Variants in TBC1D15 observed in about 807,000 individuals in gnomAD.
TBC1D15 encodes the protein GAP for RAB7.
Under a neutral mutation model 95.4 loss-of-function variants are expected in TBC1D15, and 39 were observed. The ratio of observed to expected loss-of-function variants is 0.41; its 90% confidence interval spans 0.32 to 0.53. The LOEUF is 0.53. Among genes scored for constraint, TBC1D15 ranks in the 20% least tolerant of loss-of-function variants. The probability of loss-of-function intolerance (pLI) is 0.29; values close to 1 mark genes in which losing one functional copy is unlikely to be tolerated. For missense variants in TBC1D15, 733 were observed against 794.3 expected (o/e 0.92, Z 0.93); for synonymous variants, 258 against 261.3 (o/e 0.99, Z 0.12).
intron 5 of TBC1D15, among the ~76,000 whole-genome samples, 174 bp from the exon 6 acceptor site, chr12:71,893,047 GT>G (rs1401592899): frequency 6.7e-6 from 1 of 149,122 alleles, no homozygotes; most frequent in East Asian, 1.9e-4. Context: ...GTTTCATGTA[GT>G]TTTGAAGCTC....
In TBC1D15 at chr12:71,923,463, A is replaced by C; in HGVS notation, c.*259A>C. 1 of 367,136 alleles carries C rather than the reference A, an allele frequency of 2.7e-6. No homozygotes were observed. Among genetic ancestry groups the C allele is most frequent in the Non-Finnish European group, 4.9e-6 (1 of 202,272 alleles). 22.7% of individuals were successfully genotyped at this position (367,136 alleles called of 1,614,324 possible). A position where few individuals can be genotyped will look rare whatever the true frequency, so the allele number is the denominator to read the frequency against. On this transcript the variant is annotated 3_prime_UTR_variant, in exon 17 of 17. Coordinates refer to ENST00000485960, the MANE Select transcript of TBC1D15 (RefSeq NM_001146213.3). ...GTACATTTTATTTTCTTGCTGATGA[A>C]CTGGAATTGGATAAATATTGCAAGT...
Position 71,893,283 on chromosome 12 carries a change from T to C in TBC1D15, c.616T>C (p.Phe206Leu), listed in dbSNP as rs773879213. The change falls in exon 6 of 17, where the codon TTT becomes CTT. Residue 206 changes from phenylalanine (F) to leucine (L), a missense_variant. Physicochemically the swap from Phe to Leu is conservative, Grantham distance 22. Coordinates refer to ENST00000485960, the MANE Select transcript of TBC1D15 (RefSeq NM_001146213.3). The stretch of plus-strand genomic sequence containing the variant: ...TCAGAATAAGAGTCTTTCACAGTCT[T>C]TTGAAAATCTTCTTGATGAGCCAGC... Reference protein sequence around the residue: ...NCQNKSLSQSFENLLDEPAYG... With the variant: ...NCQNKSLSQSLENLLDEPAYG... The C allele has an allele frequency of 1.2e-6, 2 of 1,610,378 alleles. No homozygotes were observed. Among genetic ancestry groups the C allele is most frequent in the Non-Finnish European group, 1.7e-6 (2 of 1,178,060 alleles).
intron 12 of TBC1D15, among the ~76,000 whole-genome samples, chr12:71,915,819 A>C (rs1903581952): frequency 2.0e-5 from 3 of 152,074 alleles, no homozygotes; most frequent in Non-Finnish European, 4.4e-5. Flanking sequence ...TTCTTTCATA[A>C]TATTTGAATG....
At chr12:71,878,893 TC>T (rs1894549665) in intron 3 of TBC1D15, among the ~76,000 whole-genome samples, 1 of 151,982 alleles carries the variant, frequency 6.6e-6, no homozygotes, top group Non-Finnish European at 1.5e-5. Flanking sequence ...GAAAAAACAA[TC>T]TATTTGATAA....
intron 1 of TBC1D15, among the ~76,000 whole-genome samples, chr12:71,852,603 C>T (rs1260221106): frequency 1.3e-5 from 2 of 152,208 alleles, no homozygotes; most frequent in Admixed American, 6.5e-5. Context: ...TTGTTAGAAA[C>T]AGCCAGGCCA....
intron 10 of TBC1D15, among the ~76,000 whole-genome samples, chr12:71,906,744 A>T (rs1305651280): frequency 6.6e-6 from 1 of 152,112 alleles, no homozygotes; most frequent in African/African-American, 2.4e-5. Flanking sequence ...ATTCATTGAA[A>T]ATGTTTTCCA....
intron 2 of TBC1D15, 122 bp from the exon 3 acceptor site, chr12:71,872,807 G>A: frequency 1.6e-6 from 1 of 638,626 alleles, no homozygotes; most frequent in South Asian, 2.4e-5. Flanking sequence ...TACATATGAT[G>A]TTAGCATATT....
chr12:71,879,555 C>T (rs1185342343), intron 3 of TBC1D15, among the ~76,000 whole-genome samples: 1 of 152,176 alleles, frequency 6.6e-6, no homozygotes, highest in Non-Finnish European at 1.5e-5. Flanking sequence ...TAGTAATGAG[C>T]ACTGTCATCA....
chr12:71,879,101 T>C (rs1373159190), intron 3 of TBC1D15, among the ~76,000 whole-genome samples: 1 of 152,018 alleles, frequency 6.6e-6, no homozygotes, highest in Non-Finnish European at 1.5e-5. Context: ...CCTGCTTGAC[T>C]AGAGTCTTTT....
chr12:71,846,132 C>T (rs1196903765), intron 1 of TBC1D15, among the ~76,000 whole-genome samples: 1 of 152,114 alleles, frequency 6.6e-6, no homozygotes, highest in African/African-American at 2.4e-5. Context: ...AAAATTTATT[C>T]TAAAATGTTT....
chr12:71,911,121 C>G (rs1902158217), intron 11 of TBC1D15, among the ~76,000 whole-genome samples: 1 of 152,110 alleles, frequency 6.6e-6, no homozygotes, highest in Admixed American at 6.6e-5. Context: ...AGTCAGGAAA[C>G]AACAGATGCT....
At chr12:71,919,876 C>A (rs1868584798) in intron 14 of TBC1D15, among the ~76,000 whole-genome samples, 1 of 152,156 alleles carries the variant, frequency 6.6e-6, no homozygotes, top group South Asian at 2.1e-4. Flanking sequence ...TACCACATAG[C>A]TAGAATAACT....
intron 1 of TBC1D15, 30 bp downstream of exon 1, chr12:71,839,841 C>G (rs1341134745): frequency 6.2e-7 from 1 of 1,614,010 alleles, no homozygotes; most frequent in Admixed American, 1.7e-5. Context: ...AAGACCTCGG[C>G]TTTTCTCTGG....
intron 3 of TBC1D15, among the ~76,000 whole-genome samples, chr12:71,877,186 C>T (rs1443370698): frequency 2.0e-5 from 3 of 148,512 alleles, no homozygotes; most frequent in Non-Finnish European, 4.5e-5. Flanking sequence ...TTCCTGATCC[C>T]ATGTTATGTG....
chr12:71,888,423 G>A (rs1165502753), intron 5 of TBC1D15, among the ~76,000 whole-genome samples: 5 of 150,312 alleles, frequency 3.3e-5, no homozygotes, highest in African/African-American at 1.2e-4. Flanking sequence ...CTGAGATCAT[G>A]TCATTGCACT....
chr12:71,901,767 T>G lies in TBC1D15; in HGVS notation c.1183+3826T>G, dbSNP rs555426327. ...ACTATAATCAGGCAAGAGAAAGAAA[T>G]AAAAGGCATCCAGATAGGAAGAGAG... On this transcript the variant is annotated intron_variant, in intron 10 of 16. Transcript: ENST00000485960. Among the ~76,000 whole-genome samples the G allele has an allele frequency of 5.1e-4, 77 of 151,898 alleles. No individual in the cohort carries two copies. The South Asian group carries it at 0.015, about 30-fold the overall frequency.
In TBC1D15 at chr12:71,894,308, A is replaced by T. The variant is rs777115890; in HGVS notation, c.658-378A>T. ...CATGGTGGTACACACTTCAAGAAAT[A>T]TTTTTTTTGTATGAAGGCAGGACTG... is the stretch of plus-strand genomic sequence containing the variant. On this transcript the variant is annotated intron_variant, in intron 6 of 16. Transcript: ENST00000485960. The T allele has an allele frequency of 6.7e-5, 108 of 1,604,868 alleles. No homozygotes were observed. In the East Asian group the frequency reaches 2.0e-3, roughly 30 times the overall value.
chr12:71,877,052 C>T (rs1432592527), intron 3 of TBC1D15, among the ~76,000 whole-genome samples: 2 of 152,084 alleles, frequency 1.3e-5, no homozygotes, highest in Non-Finnish European at 2.9e-5. Context: ...CTCAAGTGAT[C>T]TGTCCACCTC....
At chr12:71,895,829 A>G in intron 7 of TBC1D15, 118 bp from the exon 8 acceptor site, 2 of 976,618 alleles carry the variant, frequency 2.0e-6, no homozygotes, top group Non-Finnish European at 2.9e-6. Flanking sequence ...ATAAGGAACA[A>G]TCTTAAAAGT....
Sources: gnomAD v4.1 joint callset for allele counts (sites outside exome capture counted in the v4.1 genomes callset) on GRCh38, gnomAD v4.1.1 for gene constraint, MANE v1.5 for transcripts, NCBI Gene and HGNC (gene_info 2026-07-23, HGNC 2026-07-21) for gene names.